NRXN1: variants seen among roughly 807,000 people sequenced by gnomAD.
NRXN1 encodes neurexin 1.
NRXN1 carries 39 observed loss-of-function variants against 150.9 expected under a neutral mutation model. That is an observed-to-expected ratio of 0.26 (90% CI 0.20 to 0.34). The LOEUF (loss-of-function observed/expected upper bound fraction) is 0.34, where lower values mean the gene tolerates loss of function less well. Ranked by LOEUF, NRXN1 falls within the 10% of genes least tolerant of loss-of-function variation. The pLI is 1.00. For synonymous variants in NRXN1, 924 were observed against 757.0 expected (o/e 1.22, Z -3.62); for missense variants, 1,815 against 1,949.9 (o/e 0.93, Z 1.30).
At chr2:50,559,013 CA>C (rs1325630914) in intron 8 of NRXN1, among the ~76,000 whole-genome samples, 1 of 152,078 alleles carries the variant, frequency 6.6e-6, no homozygotes, top group Non-Finnish European at 1.5e-5. Context: ...ACCTGGGAGG[CA>C]GACCTTGCAG....
rs757547387 is a variant in NRXN1, at chr2:50,538,286, C to T, written c.2110G>A (p.Gly704Arg). The change falls in exon 10 of 23, where the codon GGA (glycine) becomes AGA (arginine). Residue 704 changes from glycine (G) to arginine (R), a missense_variant. By Grantham distance (125) the Gly-to-Arg change is moderately radical. Coordinates refer to ENST00000401669, the MANE Select transcript of NRXN1 (RefSeq NM_001330078.2). ...GWNRYVCDCS[G>R]TGYLGRSCER... ...CAGGACCTGCCAAGATAGCCTGTTC[C>T]GGAACAATCACAGACATATCTGTTC... is the stretch of plus-strand genomic sequence containing the variant. 3.6e-5 allele frequency: 58 copies of T among 1,613,310 alleles called. No homozygotes were observed. In the Admixed American group the frequency reaches 4.2e-4, roughly 12 times the overall value.
intron 5 of NRXN1, among the ~76,000 whole-genome samples, chr2:50,760,224 A>G (rs1166149745): frequency 1.3e-5 from 2 of 151,912 alleles, no homozygotes; most frequent in Non-Finnish European, 2.9e-5. Context: ...TCACTGAGTT[A>G]TTAGGCAAGT....
intron 11 of NRXN1, among the ~76,000 whole-genome samples, chr2:50,529,605 TA>T (rs1432693161): frequency 6.6e-6 from 1 of 152,228 alleles, no homozygotes; most frequent in Non-Finnish European, 1.5e-5. Flanking sequence ...TCTGTTTCCA[TA>T]TAGCTGAGTT....
chr2:49,943,204 TCAA>T (rs1672311422), intron 22 of NRXN1, among the ~76,000 whole-genome samples: 1 of 152,194 alleles, frequency 6.6e-6, no homozygotes, highest in South Asian at 2.1e-4. Flanking sequence ...ATTAAAGATA[TCAA>T]CGAGTCTACC....
chr2:50,243,160 G>A lies in NRXN1; in HGVS notation c.3365-6190C>T, dbSNP rs182136408. Among the ~76,000 whole-genome samples, 353 of 151,776 alleles carry A rather than the reference G, an allele frequency of 2.3e-3. 1 individual carries two copies. The highest frequency in any genetic ancestry group is 8.1e-3 in the African/African-American group (338 of 41,514). ...ATTGTAAATTTCAAAATAGCTAGGA[G>A]AGAGGATCTGAATGATCTAACAACA... On this transcript the variant is annotated intron_variant, in intron 17 of 22. Transcript: ENST00000401669.
At chr2:50,975,382 A>C (rs1695656973) in intron 2 of NRXN1, among the ~76,000 whole-genome samples, 1 of 152,078 alleles carries the variant, frequency 6.6e-6, no homozygotes, top group Admixed American at 6.6e-5. Context: ...CAGTGACTTA[A>C]ATGGAATCAT....
At chr2:50,801,065 A>AT (rs1442269916) in intron 5 of NRXN1, among the ~76,000 whole-genome samples, 1 of 152,026 alleles carries the variant, frequency 6.6e-6, no homozygotes, top group Non-Finnish European at 1.5e-5. Flanking sequence ...TAGCAAAGTT[A>AT]TTTTTTTCCA....
intron 21 of NRXN1, among the ~76,000 whole-genome samples, chr2:49,999,988 A>T (rs901536781): frequency 1.3e-5 from 2 of 152,198 alleles, no homozygotes; most frequent in African/African-American, 4.8e-5. Flanking sequence ...CAAAAGGTAT[A>T]TTAAATAGAA....
intron 17 of NRXN1, among the ~76,000 whole-genome samples, chr2:50,447,737 T>TAATATA: frequency 2.6e-5 from 1 of 37,934 alleles, no homozygotes; most frequent in Non-Finnish European, 4.3e-5. Context: ...CAGGGGAACG[T>TAATATA]TATATATATA....
intron 5 of NRXN1, among the ~76,000 whole-genome samples, chr2:50,652,122 C>T (rs951316208): frequency 1.3e-5 from 2 of 151,960 alleles, no homozygotes; most frequent in African/African-American, 4.8e-5. Flanking sequence ...CTTTTTCACA[C>T]ACCTCTTCTG....
chr2:50,136,680 C>A (rs1206868058), intron 18 of NRXN1, among the ~76,000 whole-genome samples: 1 of 152,188 alleles, frequency 6.6e-6, no homozygotes. Flanking sequence ...CTGTCCTAAT[C>A]AGGCATAACA....
chr2:49,997,091 T>A (rs537910941), intron 21 of NRXN1, among the ~76,000 whole-genome samples: 25 of 152,178 alleles, frequency 1.6e-4, no homozygotes, highest in Non-Finnish European at 2.9e-4. Context: ...AGAAAAATAT[T>A]TAAAAGCAAG....
intron 5 of NRXN1, among the ~76,000 whole-genome samples, chr2:50,718,682 TAA>T (rs1258329400): frequency 3.3e-5 from 5 of 152,182 alleles, no homozygotes; most frequent in Non-Finnish European, 7.3e-5. Flanking sequence ...CAAAAGCTTT[TAA>T]GAGACAAGCC....
intron 21 of NRXN1, among the ~76,000 whole-genome samples, chr2:50,036,593 A>G (rs1224601707): frequency 6.6e-6 from 1 of 152,196 alleles, no homozygotes; most frequent in Non-Finnish European, 1.5e-5. Flanking sequence ...GCTAGAGCAG[A>G]AATGATAATA....
intron 2 of NRXN1, among the ~76,000 whole-genome samples, chr2:51,009,089 T>C (rs1667461418): frequency 1.3e-5 from 2 of 151,952 alleles, no homozygotes; most frequent in South Asian, 4.1e-4. Context: ...ATGGATAGTC[T>C]GAATAAACTC....
At chr2:51,024,830 T>C (rs1277702044) in intron 2 of NRXN1, among the ~76,000 whole-genome samples, 2 of 152,172 alleles carry the variant, frequency 1.3e-5, no homozygotes, top group African/African-American at 4.8e-5. Context: ...TGTCTGTTTT[T>C]TTCCCTAAAT....
chr2:50,443,394 T>A (rs1487439528), intron 17 of NRXN1, among the ~76,000 whole-genome samples: 1 of 152,214 alleles, frequency 6.6e-6, no homozygotes, highest in African/African-American at 2.4e-5. Context: ...TTCAGTCGTA[T>A]AGAAAGTGTG....
intron 21 of NRXN1, among the ~76,000 whole-genome samples, chr2:49,978,362 AC>A (rs1679369933): frequency 6.6e-6 from 1 of 152,028 alleles, no homozygotes; most frequent in South Asian, 2.1e-4. Flanking sequence ...ACAGAGTGCC[AC>A]CCTCTCCCCT....
intron 21 of NRXN1, among the ~76,000 whole-genome samples, chr2:49,992,958 T>C (rs1480388045): frequency 6.6e-6 from 1 of 152,218 alleles, no homozygotes; most frequent in East Asian, 1.9e-4. Flanking sequence ...TCATTGCTAG[T>C]AGAAACGCAC....
Sources: gnomAD v4.1 joint callset for allele counts (sites outside exome capture counted in the v4.1 genomes callset) on GRCh38, gnomAD v4.1.1 for gene constraint, MANE v1.5 for transcripts, NCBI Gene and HGNC (gene_info 2026-07-23, HGNC 2026-07-21) for gene names.